The following MICU1 variants were observed in gnomAD, a reference collection of about 807,000 sequenced individuals.
MICU1 encodes the protein calcium uptake protein 1, mitochondrial.
In MICU1, 45 loss-of-function variants were observed where a neutral mutation model predicts 56.8. The observed-to-expected ratio is 0.79, with a 90% confidence interval of 0.62 to 1.02. MICU1 has a LOEUF of 1.02. Among genes scored for constraint, MICU1 ranks in the 50% least tolerant of loss-of-function variants. The pLI is 0.00. For missense variants in MICU1, 504 were observed against 587.1 expected (o/e 0.86, Z 1.46); for synonymous variants, 186 against 195.1 (o/e 0.95, Z 0.39).
chr10:72,509,764 C>T (rs1867382170), intron 5 of MICU1, among the ~76,000 whole-genome samples: 1 of 152,048 alleles, frequency 6.6e-6, no homozygotes, highest in African/African-American at 2.4e-5. Flanking sequence ...AAGGTTAGAT[C>T]TCATACTACA....
intron 9 of MICU1, among the ~76,000 whole-genome samples, chr10:72,415,697 A>G (rs1426524309): frequency 6.6e-6 from 1 of 152,166 alleles, no homozygotes; most frequent in Non-Finnish European, 1.5e-5. Flanking sequence ...ATCTGCTTCC[A>G]TAACTTAACC....
At chr10:72,551,103 G>T in intron 4 of MICU1, 76 bp downstream of exon 4, 1 of 1,357,736 alleles carries the variant, frequency 7.4e-7, no homozygotes, top group East Asian at 2.5e-5. Flanking sequence ...TAAGATTTCA[G>T]TACTATGTAG....
intron 1 of MICU1, among the ~76,000 whole-genome samples, chr10:72,603,389 A>T (rs922950819): frequency 6.6e-6 from 1 of 151,132 alleles, no homozygotes; most frequent in African/African-American, 2.4e-5. Context: ...TCTGTCTCAA[A>T]AAAAAAAAAA....
At chr10:72,524,291 A>C (rs140413396) in intron 5 of MICU1, among the ~76,000 whole-genome samples, 2,076 of 152,138 alleles carry the variant, frequency 0.014, 29 homozygotes, top group African/African-American at 0.039. Context: ...CATAGAGATG[A>C]GGTCTTGCTA....
At position 72,375,787 on chromosome 10, in the gene MICU1, ACAGT is replaced by A; in HGVS notation, c.1262_1265del (p.Asp421ValfsTer7). On this transcript the variant is annotated frameshift_variant, in exon 11 of 12. Transcript: ENST00000361114. LOFTEE classifies it high-confidence loss of function. ...GCTCCAGAGGGCCCCACTCACCATC[ACAGT>A]CAAAGAGTGCAAACACCACATCACA... is the stretch of plus-strand genomic sequence containing the variant. 1 of 1,612,406 alleles carries A rather than the reference ACAGT, an allele frequency of 6.2e-7. No individual in the cohort carries two copies. The highest frequency in any genetic ancestry group is 8.5e-7 in the Non-Finnish European group (1 of 1,179,304).
intron 6 of MICU1, among the ~76,000 whole-genome samples, chr10:72,481,361 C>T (rs10509342): frequency 0.045 from 6,776 of 152,182 alleles, 414 homozygotes; most frequent in East Asian, 0.19. Flanking sequence ...AACTCATAAT[C>T]TGTTTCCATA....
intron 2 of MICU1, among the ~76,000 whole-genome samples, chr10:72,565,639 TA>T (rs11321481): frequency 0.59 from 87,978 of 148,408 alleles, 26,916 homozygotes; most frequent in Non-Finnish European, 0.68. Context: ...TAAAGTATAA[TA>T]AAAAAAAAAA....
intron 10 of MICU1, among the ~76,000 whole-genome samples, chr10:72,389,759 T>C (rs1318551495): frequency 6.6e-6 from 1 of 152,160 alleles, no homozygotes; most frequent in African/African-American, 2.4e-5. Context: ...CTGGCAGAAA[T>C]TGGAATATTC....
intron 10 of MICU1, among the ~76,000 whole-genome samples, chr10:72,401,776 T>C (rs1863463904): frequency 6.6e-6 from 1 of 152,206 alleles, no homozygotes; most frequent in Admixed American, 6.5e-5. Flanking sequence ...GGATTACTAA[T>C]TACAGTCACC....
chr10:72,414,900 C>G (rs1863933211), intron 9 of MICU1, among the ~76,000 whole-genome samples: 1 of 152,076 alleles, frequency 6.6e-6, no homozygotes, highest in South Asian at 2.1e-4. Context: ...AGAAGCCAAT[C>G]TAATTGCCCA....
chr10:72,485,456 T>C (rs2132291007), intron 6 of MICU1, among the ~76,000 whole-genome samples: 1 of 152,046 alleles, frequency 6.6e-6, no homozygotes, highest in African/African-American at 2.4e-5. Context: ...GATTATATAA[T>C]TAACCTGTTA....
intron 7 of MICU1, 43 bp from the exon 8 acceptor site, chr10:72,475,340 T>A (rs373991539): frequency 3.7e-5 from 55 of 1,480,932 alleles, no homozygotes; most frequent in Non-Finnish European, 4.8e-5. Context: ...TATTAGGAAG[T>A]GAGAAAACAT....
At chr10:72,519,088 A>C (rs1363699252) in intron 5 of MICU1, among the ~76,000 whole-genome samples, 3 of 152,218 alleles carry the variant, frequency 2.0e-5, no homozygotes, top group Non-Finnish European at 2.9e-5. Context: ...CAATCACTTG[A>C]ATCTCTGAAA....
intron 6 of MICU1, among the ~76,000 whole-genome samples, chr10:72,506,798 A>G (rs1297949147): frequency 6.6e-6 from 1 of 152,176 alleles, no homozygotes; most frequent in Non-Finnish European, 1.5e-5. Flanking sequence ...CTGGGATCTG[A>G]ACTAGAGATG....
chr10:72,487,346 T>C (rs1018693433), intron 6 of MICU1, among the ~76,000 whole-genome samples: 4 of 152,174 alleles, frequency 2.6e-5, no homozygotes, highest in Admixed American at 2.6e-4. Context: ...GCCAAACCGT[T>C]GCAACCAGAT....
At chr10:72,506,860 G>C (rs1867269444) in intron 6 of MICU1, among the ~76,000 whole-genome samples, 1 of 152,116 alleles carries the variant, frequency 6.6e-6, no homozygotes, top group African/African-American at 2.4e-5. Context: ...AGTTATTTTG[G>C]ATTTTCATAA....
chr10:72,622,449 A>C (rs937365932), intron 1 of MICU1, among the ~76,000 whole-genome samples: 1 of 152,134 alleles, frequency 6.6e-6, no homozygotes, highest in Admixed American at 6.5e-5. Context: ...AAAGCATTCC[A>C]TCACTCTGGC....
chr10:72,370,369 T>C (rs1280111147), intron 11 of MICU1, among the ~76,000 whole-genome samples: 1 of 151,988 alleles, frequency 6.6e-6, no homozygotes, highest in Non-Finnish European at 1.5e-5. Flanking sequence ...GGGAAGAGTG[T>C]GGTAAGAAGG....
At chr10:72,446,575 C>T (rs916017212) in intron 8 of MICU1, among the ~76,000 whole-genome samples, 3 of 152,094 alleles carry the variant, frequency 2.0e-5, no homozygotes, top group Admixed American at 6.6e-5. Context: ...GTGATCCACC[C>T]GCCTCAGCCT....
Sources: allele counts gnomAD v4.1 joint callset (sites outside exome capture counted in the v4.1 genomes callset), GRCh38; gene constraint gnomAD v4.1.1; transcripts MANE v1.5; gene names NCBI Gene and HGNC (gene_info 2026-07-23, HGNC 2026-07-21).